The following ARRDC5 variants were observed in gnomAD, a reference collection of about 807,000 sequenced individuals.
The protein encoded by ARRDC5 is arrestin domain containing 5, also known as arrestin domain-containing protein 5.
A neutral mutation model predicts 13.3 loss-of-function variants in ARRDC5; 12 were observed. The ratio of observed to expected loss-of-function variants is 0.90; its 90% CI spans 0.58 to 1.46. The LOEUF is 1.46. Among genes scored for constraint, ARRDC5 ranks in the 40% most tolerant of loss-of-function variants. ARRDC5 has a pLI of 0.00. For synonymous variants in ARRDC5, 181 were observed against 173.4 expected, an observed-to-expected ratio of 1.04 and a Z score of -0.34; for missense variants, 406 against 418.7, an observed-to-expected ratio of 0.97 and a Z score of 0.26.
At chr19:4,900,857 T>G (rs1014791206) in intron 1 of ARRDC5, among the ~76,000 whole-genome samples, 7 of 152,000 alleles carry the variant, frequency 4.6e-5, no homozygotes, top group Admixed American at 2.6e-4. Flanking sequence ...CCGTCTCTAC[T>G]AAAAATACAA....
chr19:4,893,151 AAT>A (rs1491100682), intron 2 of ARRDC5, among the ~76,000 whole-genome samples: 2 of 141,848 alleles, frequency 1.4e-5, no homozygotes, highest in African/African-American at 2.6e-5. Context: ...ATATTATTAG[AAT>A]ATATATAATA....
intron 2 of ARRDC5, among the ~76,000 whole-genome samples, chr19:4,892,431 C>A (rs539310655): frequency 6.2e-5 from 9 of 146,260 alleles, no homozygotes; most frequent in African/African-American, 2.3e-4. Context: ...GTGGTGCACT[C>A]ATGGCTCACT....
intron 2 of ARRDC5, among the ~76,000 whole-genome samples, chr19:4,895,615 G>T (rs780524568): frequency 1.3e-5 from 2 of 152,020 alleles, no homozygotes; most frequent in South Asian, 4.2e-4. Flanking sequence ...GATCCAGAAC[G>T]AGTCCTTCAC....
intron 2 of ARRDC5, among the ~76,000 whole-genome samples, chr19:4,895,444 A>AAAAGAAAG (rs1555740720): frequency 2.2e-5 from 3 of 139,102 alleles, no homozygotes; most frequent in Non-Finnish European, 3.0e-5. Flanking sequence ...AAAAAAAAAA[A>AAAAGAAAG]AAAGAAAGAA....
chr19:4,915,468 C>T, the ARRDC5 span, among the ~76,000 whole-genome samples: 3 of 152,194 alleles, frequency 2.0e-5, no homozygotes. Flanking sequence ...AATCCCGGTG[C>T]TTTGGGAGGC....
chr19:4,904,677 C>G (rs774643017), upstream of ARRDC5, among the ~76,000 whole-genome samples: 19 of 152,176 alleles, frequency 1.2e-4, no homozygotes, highest in Admixed American at 2.6e-4. Context: ...AGGGTGAGAC[C>G]TTGTCTAAGT....
chr19:4,912,161 C>T, the ARRDC5 span, among the ~76,000 whole-genome samples: 3 of 152,160 alleles, frequency 2.0e-5, no homozygotes, highest in Admixed American at 6.6e-5. Flanking sequence ...ACCCGCCCTG[C>T]CCCGGGAGGA....
At chr19:4,891,937 A>G (rs1378108413) in intron 2 of ARRDC5, among the ~76,000 whole-genome samples, 1 of 136,046 alleles carries the variant, frequency 7.4e-6, no homozygotes, top group Non-Finnish European at 1.5e-5. Flanking sequence ...CCAGGGCTAC[A>G]GAGCAAAACT....
the ARRDC5 span, chr19:4,910,770 C>A: frequency 3.6e-6 from 5 of 1,372,886 alleles, no homozygotes; most frequent in Non-Finnish European, 3.9e-6. Flanking sequence ...CTGGGAGTTT[C>A]CTGGTGTCCA....
At chr19:4,898,293 TC>T in intron 1 of ARRDC5, among the ~76,000 whole-genome samples, 1 of 152,130 alleles carries the variant, frequency 6.6e-6, no homozygotes, top group East Asian at 1.9e-4. Context: ...TTCTCGAAAA[TC>T]CTCTTAGCAT....
the ARRDC5 span, among the ~76,000 whole-genome samples, chr19:4,911,711 C>T: frequency 3.3e-5 from 5 of 152,252 alleles, no homozygotes; most frequent in East Asian, 1.9e-4. Flanking sequence ...ACGTTTGGGG[C>T]GCTCCCTCCA....
upstream of ARRDC5, among the ~76,000 whole-genome samples, chr19:4,905,108 C>CT (rs61443004): frequency 0.027 from 2,615 of 95,214 alleles, 315 homozygotes; most frequent in African/African-American, 0.081. Context: ...CGTAAACTTT[C>CT]TTTTTTTTTT....
chr19:4,914,563 C>T, the ARRDC5 span, among the ~76,000 whole-genome samples: 4 of 151,560 alleles, frequency 2.6e-5, no homozygotes, highest in African/African-American at 4.8e-5. Flanking sequence ...ACTTGATGGG[C>T]GGGAACGCAG....
intron 2 of ARRDC5, among the ~76,000 whole-genome samples, chr19:4,893,763 C>CGGAAGG (rs200977060): frequency 0.078 from 11,467 of 147,450 alleles, 589 homozygotes; most frequent in Middle Eastern, 0.17. Flanking sequence ...AAAAGGAAGG[C>CGGAAGG]CGGGTGCGGT....
chr19:4,911,868 C>T, the ARRDC5 span, among the ~76,000 whole-genome samples: 119 of 152,130 alleles, frequency 7.8e-4, no homozygotes, highest in African/African-American at 2.6e-3. Flanking sequence ...ACCGTGGGGA[C>T]GGGCGTAGAC....
upstream of ARRDC5, among the ~76,000 whole-genome samples, chr19:4,904,475 A>G (rs573020708): frequency 7.2e-5 from 11 of 151,964 alleles, no homozygotes; most frequent in South Asian, 1.0e-3. Flanking sequence ...CACCGCACCC[A>G]GCCAATTTTT....
Position 4,891,490 on chromosome 19 carries a change from T to C in ARRDC5, c.543A>G (p.Glu181=). Residue 181 remains glutamate (E), a synonymous_variant, in exon 3 of 3, where the codon GAA becomes GAG. Transcript: ENST00000650722. The part of the protein sequence containing the change: ...QGTVCLQIQM[E]RNTFTPGEKV... ...TCTCTCCTGGCGTGAAGGTGTTCCT[T>C]TCCATCTGGATTTGCAAACAGACAG... 6.2e-7 allele frequency: 1 copy of C among 1,613,894 alleles called. No homozygotes were observed. The highest frequency in any genetic ancestry group is 8.5e-7 in the Non-Finnish European group (1 of 1,179,870).
the ARRDC5 span, chr19:4,909,537 G>A: frequency 3.0e-6 from 2 of 659,996 alleles, no homozygotes; most frequent in Non-Finnish European, 5.5e-6. Context: ...CGTTTGCCGA[G>A]CGGGCGCTCC....
At chr19:4,896,405 C>CACACATAT (rs539564532) in intron 2 of ARRDC5, among the ~76,000 whole-genome samples, 40 of 106,374 alleles carry the variant, frequency 3.8e-4, no homozygotes, top group Middle Eastern at 5.3e-3. Context: ...CACACACACA[C>CACACATAT]ATATATATAA....
Sources: allele counts gnomAD v4.1 joint callset (sites outside exome capture counted in the v4.1 genomes callset), GRCh38; gene constraint gnomAD v4.1.1; transcripts MANE v1.5; gene names NCBI Gene and HGNC (gene_info 2026-07-23, HGNC 2026-07-21).